The following AGTPBP1 variants were observed in gnomAD, a reference collection of about 807,000 sequenced individuals.
AGTPBP1 encodes the protein ATP/GTP binding carboxypeptidase 1, also known as cytosolic carboxypeptidase 1.
Under a neutral mutation model 143.9 loss-of-function variants are expected in AGTPBP1, and 70 were observed. That is an observed-to-expected ratio of 0.49 (90% CI 0.40 to 0.59). AGTPBP1 has a LOEUF of 0.59. Among genes scored for constraint, AGTPBP1 ranks in the 20% least tolerant of loss-of-function variants. The probability of loss-of-function intolerance (pLI) is 0.00; values close to 1 mark genes in which losing one functional copy is unlikely to be tolerated. For synonymous variants in AGTPBP1, 463 were observed against 500.2 expected, an observed-to-expected ratio of 0.93 and a Z score of 0.99; for missense variants, 1,229 against 1,464.5, an observed-to-expected ratio of 0.84 and a Z score of 2.62.
chr9:85,649,917 C>T (rs1237421300), intron 11 of AGTPBP1, among the ~76,000 whole-genome samples: 1 of 152,028 alleles, frequency 6.6e-6, no homozygotes. Flanking sequence ...CAATACTGCT[C>T]AACTAAATTT....
At chr9:85,737,212 G>C (rs1412001205) in intron 1 of AGTPBP1, among the ~76,000 whole-genome samples, 1 of 152,178 alleles carries the variant, frequency 6.6e-6, no homozygotes, top group South Asian at 2.1e-4. Context: ...GACAAAATGG[G>C]AACTTTCCAT....
At chr9:85,726,621 G>A (rs1345993377) in intron 1 of AGTPBP1, among the ~76,000 whole-genome samples, 1 of 152,180 alleles carries the variant, frequency 6.6e-6, no homozygotes, top group Non-Finnish European at 1.5e-5. Flanking sequence ...ATGTATACAT[G>A]GGCTGTACTA....
rs1433835572 is a variant in AGTPBP1, at chr9:85,674,966, G to A, written c.437-2285C>T. On this transcript the variant is annotated intron_variant, in intron 6 of 25. Transcript: ENST00000357081. ...AGCTGGAGTGCAGTGGTACGATCTC[G>A]GCTCACTGCAACCTCCACCACCCAG... is the stretch of plus-strand genomic sequence containing the variant. Among the ~76,000 whole-genome samples, 5 of 151,474 alleles carry A rather than the reference G, an allele frequency of 3.3e-5. No individual in the cohort carries two copies. In the South Asian group the frequency reaches 6.3e-4, roughly 19 times the overall value.
chr9:85,625,322 T>G (rs916245968), intron 14 of AGTPBP1, among the ~76,000 whole-genome samples: 10 of 152,298 alleles, frequency 6.6e-5, no homozygotes, highest in Middle Eastern at 3.4e-3. Flanking sequence ...AGAGAGGCTG[T>G]TTTTCCATAA....
At chr9:85,576,278 G>A (rs1360451069) in intron 24 of AGTPBP1, among the ~76,000 whole-genome samples, 1 of 152,054 alleles carries the variant, frequency 6.6e-6, no homozygotes, top group African/African-American at 2.4e-5. Flanking sequence ...ATAAGTTGTA[G>A]GTGTAGATTA....
rs1292719560 is a variant in AGTPBP1, at chr9:85,741,930, G to A, written c.-189C>T. ...AGGCGGCGGCGGCGGCAGCTGCGGC[G>A]GCGGCGCTGGAGGCGGCGGAACCTG... is the stretch of plus-strand genomic sequence containing the variant. On this transcript the variant is annotated 5_prime_UTR_variant, in exon 1 of 26. Coordinates refer to ENST00000357081, the MANE Select transcript of AGTPBP1 (RefSeq NM_001330701.2). 1.5e-6 allele frequency: 2 copies of A among 1,314,944 alleles called. No homozygotes were observed. Among genetic ancestry groups the A allele is most frequent in the Non-Finnish European group, 1.9e-6 (2 of 1,036,684 alleles). The allele number at this position is 1,314,944 out of a possible 1,614,324, so 81.5% of individuals were successfully genotyped here.
At chr9:85,683,328 G>C (rs1012307929) in intron 3 of AGTPBP1, among the ~76,000 whole-genome samples, 1 of 151,978 alleles carries the variant, frequency 6.6e-6, no homozygotes, top group Admixed American at 6.6e-5. Flanking sequence ...ATAAAACATT[G>C]TTTCAAATAT....
intron 15 of AGTPBP1, among the ~76,000 whole-genome samples, chr9:85,620,983 G>A (rs181874340): frequency 3.9e-5 from 6 of 152,148 alleles, no homozygotes; most frequent in East Asian, 1.9e-4. Flanking sequence ...ACAAAATCTC[G>A]TGATAGAGTT....
At chr9:85,642,125 T>C (rs1171495278) in intron 13 of AGTPBP1, among the ~76,000 whole-genome samples, 1 of 152,144 alleles carries the variant, frequency 6.6e-6, no homozygotes, top group Non-Finnish European at 1.5e-5. Context: ...GCTAAACAAA[T>C]CTTAGAGATT....
chr9:85,633,302 GAAC>G lies in AGTPBP1; in HGVS notation c.1372_1374del (p.Val458del), dbSNP rs1831810968. 1.9e-6 allele frequency: 3 copies of G among 1,613,734 alleles called. No individual in the cohort carries two copies. The highest frequency in any genetic ancestry group is 2.5e-6 in the Non-Finnish European group (3 of 1,179,884). ...CCAGATGTTTCCTCGCCTGCCGTAG[GAAC>G]AACAATAGGACCACGTACTTTTCCC... On this transcript the variant is annotated inframe_deletion, in exon 14 of 26. Transcript: ENST00000357081.
At chr9:85,763,354 T>C in the AGTPBP1 span, among the ~76,000 whole-genome samples, 1 of 152,056 alleles carries the variant, frequency 6.6e-6, no homozygotes, top group East Asian at 1.9e-4. Context: ...ACTGGTCCAG[T>C]GTGGAGCAGG....
rs201005759 is a variant in AGTPBP1, at chr9:85,619,273, A to G, written c.2128T>C (p.Leu710=). Residue 710 remains leucine (L), a synonymous_variant, in exon 16 of 26, where the codon TTG becomes CTG. Transcript: ENST00000357081. ...GACTCAAATTTGGAGTTAAATTTCAAAATATCTCCCTCTTCTGGAATGGTG... is the reference window on the plus strand; with the variant it reads ...GACTCAAATTTGGAGTTAAATTTCAGAATATCTCCCTCTTCTGGAATGGTG... ...NYTIPEEGDI[L]KFNSKFESGN... 200 of 1,612,862 alleles carry G rather than the reference A, an allele frequency of 1.2e-4. No homozygotes were observed. The highest frequency in any genetic ancestry group is 1.6e-4 in the Non-Finnish European group (187 of 1,179,356).
chr9:85,794,756 T>G, the AGTPBP1 span, among the ~76,000 whole-genome samples: 1 of 152,338 alleles, frequency 6.6e-6, no homozygotes, highest in South Asian at 2.1e-4. Context: ...CTTAGCAATA[T>G]TCAGTCTTCC....
the AGTPBP1 span, among the ~76,000 whole-genome samples, chr9:85,772,374 G>T: frequency 1.3e-5 from 2 of 152,094 alleles, no homozygotes; most frequent in African/African-American, 2.4e-5. Context: ...GAGGTCATTA[G>T]ATTATTAACA....
At chr9:85,745,661 T>G (rs1458607557), upstream of AGTPBP1, among the ~76,000 whole-genome samples, 2 of 152,170 alleles carry the variant, frequency 1.3e-5, no homozygotes, top group African/African-American at 4.8e-5. Flanking sequence ...GCAAATGGTT[T>G]CCATGGTAAA....
intron 8 of AGTPBP1, among the ~76,000 whole-genome samples, chr9:85,661,538 C>T (rs1429673279): frequency 4.6e-5 from 7 of 151,954 alleles, no homozygotes; most frequent in African/African-American, 1.2e-4. Flanking sequence ...TCAGCTATGA[C>T]GCACCAAGAT....
chr9:85,716,151 T>C (rs1469280854), intron 1 of AGTPBP1, among the ~76,000 whole-genome samples: 3 of 152,222 alleles, frequency 2.0e-5, no homozygotes, highest in African/African-American at 4.8e-5. Flanking sequence ...CAACAACTAA[T>C]GATCCCCATG....
chr9:85,760,432 G>T, the AGTPBP1 span, among the ~76,000 whole-genome samples: 2 of 152,084 alleles, frequency 1.3e-5, no homozygotes, highest in Admixed American at 6.5e-5. Flanking sequence ...TGATCATGTG[G>T]GCTTCATCCC....
chr9:85,681,644 G>A (rs1303291498), intron 3 of AGTPBP1, among the ~76,000 whole-genome samples: 1 of 151,478 alleles, frequency 6.6e-6, no homozygotes, highest in Non-Finnish European at 1.5e-5. Flanking sequence ...TAAGGGAGGA[G>A]TCTTACCTCA....
Sources: allele counts gnomAD v4.1 joint callset (sites outside exome capture counted in the v4.1 genomes callset), GRCh38; gene constraint gnomAD v4.1.1; transcripts MANE v1.5; gene names NCBI Gene and HGNC (gene_info 2026-07-23, HGNC 2026-07-21).